ERBB4: variants seen among roughly 807,000 people sequenced by gnomAD.
ERBB4 encodes the protein receptor tyrosine-protein kinase erbB-4.
ERBB4 carries 42 observed loss-of-function variants against 158.0 expected under a neutral mutation model. That is an observed-to-expected ratio of 0.27 (90% CI 0.21 to 0.34). The LOEUF (loss-of-function observed/expected upper bound fraction) is 0.34. Ranked by LOEUF, ERBB4 falls within the 10% of genes least tolerant of loss-of-function variation. The pLI is 1.00. For missense variants in ERBB4, 1,333 were observed against 1,624.1 expected (o/e 0.82, Z 3.08); for synonymous variants, 583 against 558.7 (o/e 1.04, Z -0.61).
chr2:211,995,042 C>A (rs2082167546), intron 2 of ERBB4, among the ~76,000 whole-genome samples: 1 of 152,084 alleles, frequency 6.6e-6, no homozygotes, highest in Non-Finnish European at 1.5e-5. Context: ...GAGCAGCATG[C>A]AACATGGAAC....
intron 3 of ERBB4, among the ~76,000 whole-genome samples, chr2:211,908,735 G>A (rs1336624679): frequency 6.6e-6 from 1 of 151,646 alleles, no homozygotes; most frequent in Non-Finnish European, 1.5e-5. Context: ...GTAGCAAATT[G>A]TTCTCACCAA....
chr2:212,086,319 T>C (rs16847686), intron 2 of ERBB4, among the ~76,000 whole-genome samples: 2,468 of 151,410 alleles, frequency 0.016, 75 homozygotes, highest in African/African-American at 0.057. Context: ...TCTTTATATT[T>C]CTGATTTAAA....
intron 1 of ERBB4, among the ~76,000 whole-genome samples, chr2:212,139,394 T>C (rs545780482): frequency 6.6e-6 from 1 of 152,132 alleles, no homozygotes; most frequent in South Asian, 2.1e-4. Context: ...CAAAAATGCA[T>C]TACAAAGTTC....
intron 1 of ERBB4, among the ~76,000 whole-genome samples, chr2:212,301,360 A>G (rs1453615516): frequency 2.0e-5 from 3 of 151,440 alleles, no homozygotes; most frequent in Non-Finnish European, 4.4e-5. Context: ...CCTGTAATGT[A>G]TAACCTGAAA....
intron 3 of ERBB4, among the ~76,000 whole-genome samples, chr2:211,816,540 C>CAAAAAAAAAAAA (rs34323414): frequency 1.5e-5 from 1 of 65,888 alleles, no homozygotes; most frequent in Non-Finnish European, 2.9e-5. Context: ...GAGCCCGTCT[C>CAAAAAAAAAAAA]AAAAAAAAAA....
chr2:211,496,204 T>G (rs1395609804), intron 20 of ERBB4, among the ~76,000 whole-genome samples: 1 of 152,082 alleles, frequency 6.6e-6, no homozygotes, highest in South Asian at 2.1e-4. Context: ...CTCTTTTTTA[T>G]GTAGTCCCTC....
intron 3 of ERBB4, among the ~76,000 whole-genome samples, chr2:211,829,522 T>G (rs930251034): frequency 1.3e-5 from 2 of 152,190 alleles, no homozygotes; most frequent in Non-Finnish European, 2.9e-5. Context: ...ATAGCAGTAT[T>G]TGTAGAACAT....
intron 2 of ERBB4, among the ~76,000 whole-genome samples, chr2:212,056,338 A>G (rs1324605687): frequency 6.6e-6 from 1 of 152,200 alleles, no homozygotes; most frequent in Non-Finnish European, 1.5e-5. Flanking sequence ...AATGGAACCA[A>G]GTTGGAAAAC....
chr2:211,684,465 AAAAG>A (rs914065620), intron 12 of ERBB4, among the ~76,000 whole-genome samples: 1 of 151,722 alleles, frequency 6.6e-6, no homozygotes, highest in African/African-American at 2.4e-5. Flanking sequence ...ATAAAATAAA[AAAAG>A]AAAAGAAAAG....
chr2:211,597,071 T>A (rs1048983626), intron 19 of ERBB4, among the ~76,000 whole-genome samples: 1 of 152,320 alleles, frequency 6.6e-6, no homozygotes, highest in East Asian at 1.9e-4. Context: ...CAGCCCCACT[T>A]ACTCACTCTA....
intron 1 of ERBB4, among the ~76,000 whole-genome samples, chr2:212,212,500 A>G (rs2082967418): frequency 6.6e-6 from 1 of 152,084 alleles, no homozygotes; most frequent in Admixed American, 6.6e-5. Flanking sequence ...GAAGTAATTT[A>G]TAGATTCCAT....
At chr2:211,650,283 A>C (rs2070935131) in intron 16 of ERBB4, among the ~76,000 whole-genome samples, 1 of 152,056 alleles carries the variant, frequency 6.6e-6, no homozygotes. Flanking sequence ...TTCATTTATA[A>C]AAACTGAAAC....
At chr2:211,811,803 G>A (rs185288296) in intron 3 of ERBB4, among the ~76,000 whole-genome samples, 21 of 151,672 alleles carry the variant, frequency 1.4e-4, no homozygotes, top group African/African-American at 3.9e-4. Flanking sequence ...CCATTTGATC[G>A]AATCAGCTAT....
chr2:212,445,471 A>T (rs1379089589), intron 1 of ERBB4, among the ~76,000 whole-genome samples: 1 of 152,212 alleles, frequency 6.6e-6, no homozygotes, highest in Admixed American at 6.5e-5. Context: ...ACTGGAAGTT[A>T]AGATTGCCAC....
intron 20 of ERBB4, among the ~76,000 whole-genome samples, chr2:211,503,606 C>T (rs61518690): frequency 0.018 from 2,788 of 152,184 alleles, 91 homozygotes; most frequent in African/African-American, 0.064. Context: ...CATCTGGACC[C>T]GCATAGCGCC....
At chr2:211,417,213 T>C (rs1327828091) in intron 25 of ERBB4, among the ~76,000 whole-genome samples, 1 of 152,088 alleles carries the variant, frequency 6.6e-6, no homozygotes, top group African/African-American at 2.4e-5. Context: ...TGGCTCACAC[T>C]TGTAATCTCA....
intron 1 of ERBB4, among the ~76,000 whole-genome samples, chr2:212,239,883 A>G (rs2106009794): frequency 6.6e-6 from 1 of 152,334 alleles, no homozygotes; most frequent in African/African-American, 2.4e-5. Flanking sequence ...TTAGAGGGGG[A>G]AAATCAAGTT....
At chr2:212,407,642 T>C (rs771912457) in intron 1 of ERBB4, among the ~76,000 whole-genome samples, 58 of 152,104 alleles carry the variant, frequency 3.8e-4, no homozygotes, top group Admixed American at 2.1e-3. Context: ...TATATATGTA[T>C]ATATGCATTT....
chr2:211,459,039 C>T (rs1184197811), intron 20 of ERBB4, among the ~76,000 whole-genome samples: 1 of 152,142 alleles, frequency 6.6e-6, no homozygotes, highest in Non-Finnish European at 1.5e-5. Flanking sequence ...TTATCATAAG[C>T]TTGTCTCATA....
Sources: allele counts gnomAD v4.1 joint callset (sites outside exome capture counted in the v4.1 genomes callset), GRCh38; gene constraint gnomAD v4.1.1; transcripts MANE v1.5; gene names NCBI Gene and HGNC (gene_info 2026-07-23, HGNC 2026-07-21).